The following NAALADL2 variants were observed in gnomAD, a reference collection of about 807,000 sequenced individuals.
NAALADL2 encodes N-acetylated alpha-linked acidic dipeptidase like 2.
A neutral mutation model predicts 87.2 loss-of-function variants in NAALADL2; 76 were observed. The observed-to-expected ratio is 0.87, with a 90% CI of 0.72 to 1.05. The LOEUF (loss-of-function observed/expected upper bound fraction) is 1.05. Ranked by LOEUF, NAALADL2 falls within the 50% of genes least tolerant of loss-of-function variation. NAALADL2 has a pLI of 0.00. For missense variants in NAALADL2, 1,089 were observed against 945.8 expected, an observed-to-expected ratio of 1.15 and a Z score of -1.99; for synonymous variants, 354 against 331.0, an observed-to-expected ratio of 1.07 and a Z score of -0.75.
At position 175,794,177 on chromosome 3, in the gene NAALADL2, A is replaced by G. The variant is rs191240210; in HGVS notation, c.2190-8828A>G. Among the ~76,000 whole-genome samples, 1,030 of 152,316 alleles carry G rather than the reference A, an allele frequency of 6.8e-3. 4 individuals carry two copies. The highest frequency in any genetic ancestry group is 0.022 in the South Asian group (104 of 4,830). ...TTTATATTAATTGTCAAAAGCCTGTAGGGTATTCAAATAAAATTGTCTTTG... is the reference window on the plus strand; with the variant it reads ...TTTATATTAATTGTCAAAAGCCTGTGGGGTATTCAAATAAAATTGTCTTTG... On this transcript the variant is annotated intron_variant, in intron 13 of 13. Coordinates refer to ENST00000454872, the MANE Select transcript of NAALADL2 (RefSeq NM_207015.3).
chr3:175,344,884 A>G (rs1560400647), intron 5 of NAALADL2, among the ~76,000 whole-genome samples: 1 of 152,192 alleles, frequency 6.6e-6, no homozygotes, highest in Non-Finnish European at 1.5e-5. Flanking sequence ...CTTCATAACA[A>G]TAAATGATGT....
intron 10 of NAALADL2, among the ~76,000 whole-genome samples, chr3:175,619,181 C>A (rs1239842249): frequency 6.7e-6 from 1 of 148,926 alleles, no homozygotes. Context: ...TAAAGTGAAG[C>A]TGTTGAACCA....
At chr3:174,914,429 C>T (rs1028845907) in intron 1 of NAALADL2, among the ~76,000 whole-genome samples, 2 of 152,018 alleles carry the variant, frequency 1.3e-5, no homozygotes, top group South Asian at 4.1e-4. Context: ...ATATGGGGTA[C>T]AGAGGGTATG....
At chr3:175,319,664 A>G (rs1484701276) in intron 4 of NAALADL2, among the ~76,000 whole-genome samples, 3 of 152,104 alleles carry the variant, frequency 2.0e-5, no homozygotes, top group African/African-American at 2.4e-5. Flanking sequence ...TACTAAAAAT[A>G]CAAAAATTAG....
chr3:175,085,010 C>T (rs1169064466), intron 1 of NAALADL2, among the ~76,000 whole-genome samples: 3 of 152,060 alleles, frequency 2.0e-5, no homozygotes, highest in Non-Finnish European at 4.4e-5. Context: ...CTGATGGAGC[C>T]TATGGGAAAA....
intron 1 of NAALADL2, among the ~76,000 whole-genome samples, chr3:174,475,192 A>G (rs1273420670): frequency 6.6e-6 from 1 of 151,938 alleles, no homozygotes; most frequent in East Asian, 1.9e-4. Flanking sequence ...TACCAAATAT[A>G]TGGAAAGAAA....
intron 1 of NAALADL2, among the ~76,000 whole-genome samples, chr3:174,952,537 C>G (rs1293480656): frequency 1.3e-5 from 2 of 152,102 alleles, no homozygotes; most frequent in African/African-American, 2.4e-5. Context: ...TGCTTTTACT[C>G]TGAGCCACAC....
At chr3:175,755,121 TG>T in intron 12 of NAALADL2, 98 bp from the exon 13 acceptor site, 1 of 920,826 alleles carries the variant, frequency 1.1e-6, no homozygotes, top group Non-Finnish European at 1.6e-6. Flanking sequence ...CCTTCTTCAG[TG>T]GTCTGTCTGG....
At chr3:175,584,004 A>T (rs895022731) in intron 10 of NAALADL2, among the ~76,000 whole-genome samples, 1 of 151,636 alleles carries the variant, frequency 6.6e-6, no homozygotes, top group Non-Finnish European at 1.5e-5. Context: ...ATAAAGTTGT[A>T]ACTAGCACCA....
At chr3:174,922,596 C>T (rs1054918398) in intron 1 of NAALADL2, among the ~76,000 whole-genome samples, 4 of 152,092 alleles carry the variant, frequency 2.6e-5, no homozygotes, top group Non-Finnish European at 4.4e-5. Flanking sequence ...GCCCACATTG[C>T]CTTTAGATAT....
chr3:174,685,974 C>T lies in NAALADL2; in HGVS notation c.-114-51667C>T, dbSNP rs528772656. On this transcript the variant is annotated intron_variant, in intron 2 of 3. Transcript: ENST00000434257. The stretch of plus-strand genomic sequence containing the variant: ...AAGATAATGGCCTCTAGCTTCCATC[C>T]ATTTTCCTGTAAAGGATATGATCTT... 2.0e-5 allele frequency among the ~76,000 whole-genome samples: 3 copies of T among 152,148 alleles called. No individual in the cohort carries two copies. The East Asian group carries it at 5.8e-4, about 29-fold the overall frequency.
At chr3:175,460,221 A>T in intron 6 of NAALADL2, 1 of 455,088 alleles carries the variant, frequency 2.2e-6, no homozygotes. Context: ...GATATTTATT[A>T]TTAAAATTTA....
chr3:175,164,744 A>G (rs957007670), intron 2 of NAALADL2, among the ~76,000 whole-genome samples: 6 of 152,184 alleles, frequency 3.9e-5, no homozygotes, highest in Non-Finnish European at 7.3e-5. Flanking sequence ...ATTTTCAATG[A>G]TAACAACTAT....
chr3:175,242,420 A>G (rs1035816450), intron 3 of NAALADL2: 5 of 152,198 alleles, frequency 3.3e-5, no homozygotes, highest in Non-Finnish European at 7.3e-5. Context: ...TCTTTCCAGA[A>G]CTAGAGAGAT....
At chr3:174,882,704 T>C (rs1427781605) in intron 1 of NAALADL2, among the ~76,000 whole-genome samples, 3 of 148,110 alleles carry the variant, frequency 2.0e-5, no homozygotes, top group Admixed American at 6.7e-5. Flanking sequence ...TATATACATG[T>C]GTATCTACAC....
At chr3:174,856,127 C>G (rs904948819), upstream of NAALADL2, among the ~76,000 whole-genome samples, 4 of 151,852 alleles carry the variant, frequency 2.6e-5, no homozygotes, top group Non-Finnish European at 5.9e-5. Context: ...TCATCTCAGT[C>G]TCTTGAGTAG....
rs372433933 is a variant in NAALADL2 at position 174,842,818 on chromosome 3, A to T, written c.-9+105072A>T. Among the ~76,000 whole-genome samples, 399 of 152,200 alleles carry T rather than the reference A, an allele frequency of 2.6e-3. 1 individual carries two copies. The highest frequency in any genetic ancestry group is 9.3e-3 in the African/African-American group (385 of 41,534). On this transcript the variant is annotated intron_variant, in intron 3 of 3. Transcript: ENST00000434257. ...GTGTATGTGTGTGCGTGTCTTAACA[A>T]ATAATTCATATAGCTCCTTGGCTTA...
intron 2 of NAALADL2, among the ~76,000 whole-genome samples, chr3:174,680,253 CT>C (rs1185509467): frequency 3.3e-5 from 5 of 152,122 alleles, no homozygotes; most frequent in Non-Finnish European, 5.9e-5. Flanking sequence ...TTAATTTTCA[CT>C]TTTGAAAGTA....
At chr3:174,509,682 T>G (rs1719471440) in intron 1 of NAALADL2, among the ~76,000 whole-genome samples, 1 of 144,116 alleles carries the variant, frequency 6.9e-6, no homozygotes, top group African/African-American at 2.6e-5. Flanking sequence ...CACCTCGGGC[T>G]CCCAAAGTGC....
Sources: allele counts gnomAD v4.1 joint callset (sites outside exome capture counted in the v4.1 genomes callset), GRCh38; gene constraint gnomAD v4.1.1; transcripts MANE v1.5; gene names NCBI Gene and HGNC (gene_info 2026-07-23, HGNC 2026-07-21).